Variants in TBC1D12 observed in about 807,000 individuals in gnomAD.
The protein encoded by TBC1D12 is TBC1 domain family member 12.
Under a neutral mutation model 86.7 loss-of-function variants are expected in TBC1D12, and 56 were observed. The observed-to-expected ratio is 0.65, with a 90% CI of 0.52 to 0.81. The LOEUF (loss-of-function observed/expected upper bound fraction) is 0.81, where lower values mean the gene tolerates loss of function less well. Among genes scored for constraint, TBC1D12 ranks in the 30% least tolerant of loss-of-function variants. The pLI is 0.00. For synonymous variants in TBC1D12, 421 were observed against 411.7 expected (o/e 1.02, Z -0.27); for missense variants, 1,023 against 1,038.8 (o/e 0.98, Z 0.21).
At chr10:94,489,370 G>T (rs2056215332) in intron 3 of TBC1D12, among the ~76,000 whole-genome samples, 1 of 152,306 alleles carries the variant, frequency 6.6e-6, no homozygotes, top group South Asian at 2.1e-4. Context: ...TAGCCAAGAA[G>T]CCACTGCCAG....
At chr10:94,473,413 G>A (rs2055939703) in intron 2 of TBC1D12, among the ~76,000 whole-genome samples, 1 of 151,876 alleles carries the variant, frequency 6.6e-6, no homozygotes, top group Non-Finnish European at 1.5e-5. Context: ...TTTTTAAGAG[G>A]TATGGAACTA....
At chr10:94,494,821 G>C (rs1048907413) in intron 4 of TBC1D12, among the ~76,000 whole-genome samples, 8 of 152,050 alleles carry the variant, frequency 5.3e-5, no homozygotes, top group African/African-American at 1.9e-4. Context: ...TGGGATTTCA[G>C]GTGTGAGCCA....
intron 3 of TBC1D12, among the ~76,000 whole-genome samples, chr10:94,486,681 A>AT (rs964075134): frequency 4.6e-5 from 7 of 151,794 alleles, no homozygotes; most frequent in African/African-American, 1.5e-4. Flanking sequence ...ATATTATCTC[A>AT]TTTTTTTGAA....
intron 3 of TBC1D12, among the ~76,000 whole-genome samples, chr10:94,490,014 G>A (rs570796048): frequency 2.4e-4 from 37 of 152,260 alleles, no homozygotes; most frequent in Middle Eastern, 3.4e-3. Flanking sequence ...TTGGGAGGCC[G>A]GGGCAGGCAG....
intron 3 of TBC1D12, among the ~76,000 whole-genome samples, chr10:94,481,239 C>T (rs1321796023): frequency 6.6e-6 from 1 of 152,152 alleles, no homozygotes; most frequent in Non-Finnish European, 1.5e-5. Flanking sequence ...TCACTAGTTA[C>T]ATTGGCCCCT....
chr10:94,531,694 TTTATGTTATG>T (rs201764398), intron 12 of TBC1D12, among the ~76,000 whole-genome samples: 1 of 119,440 alleles, frequency 8.4e-6, no homozygotes. Flanking sequence ...TTTATGTTAT[TTTATGTTATG>T]TTATTTTATG....
rs190241438 is a variant in TBC1D12, at chr10:94,450,961, A to T, written c.1095+8942A>T. Among the ~76,000 whole-genome samples, 671 of 152,212 alleles carry T rather than the reference A, an allele frequency of 4.4e-3. 5 individuals are homozygous for T. Among genetic ancestry groups the T allele is most frequent in the South Asian group, 0.019 (92 of 4,826 alleles). ...CTCACTTACATGTAGGACCCAAAAA[A>T]GAAAGTTGATCTCATAGGAGTAAAA... On this transcript the variant is annotated intron_variant, in intron 2 of 12. Coordinates refer to ENST00000225235, the MANE Select transcript of TBC1D12 (RefSeq NM_015188.2).
intron 6 of TBC1D12, among the ~76,000 whole-genome samples, chr10:94,503,867 G>T (rs769286844): frequency 6.6e-5 from 10 of 152,224 alleles, no homozygotes; most frequent in South Asian, 2.1e-4. Context: ...TCCAGTGATA[G>T]GCCCACCTCG....
At chr10:94,520,137 T>C (rs1842104077) in intron 9 of TBC1D12, among the ~76,000 whole-genome samples, 1 of 152,216 alleles carries the variant, frequency 6.6e-6, no homozygotes, top group Non-Finnish European at 1.5e-5. Context: ...AAGGGAATGC[T>C]GTTAAGAGAG....
intron 2 of TBC1D12, among the ~76,000 whole-genome samples, chr10:94,450,264 T>A (rs1022868292): frequency 6.6e-6 from 1 of 152,092 alleles, no homozygotes; most frequent in Non-Finnish European, 1.5e-5. Context: ...GTAACTATAA[T>A]ATTGTGTTTT....
intron 3 of TBC1D12, among the ~76,000 whole-genome samples, chr10:94,486,133 C>CT (rs2056157697): frequency 8.6e-6 from 1 of 116,046 alleles, no homozygotes; most frequent in Non-Finnish European, 1.8e-5. Flanking sequence ...TTTTCTTCTT[C>CT]TTCTTCTTTT....
rs1203764074 is a variant in TBC1D12 at position 94,403,514 on chromosome 10, G to A, written c.901G>A (p.Ala301Thr). The stretch of plus-strand genomic sequence containing the variant: ...GGGGCCGCCGGTGCCCTTGCCCGCC[G>A]CGGAGCAGGGTCCTGCGGGGGCTTC... ...PAGPPVPLPA[A>T]EQGPAGASAR... The change falls in exon 1 of 13, where the codon GCG (alanine) becomes ACG (threonine). Residue 301 changes from alanine to threonine, a missense_variant. Ala to Thr is a moderately conservative substitution (Grantham distance 58). Transcript: ENST00000225235. 1 of 1,564,538 alleles carries A rather than the reference G, an allele frequency of 6.4e-7. No homozygotes were observed. Among genetic ancestry groups the A allele is most frequent in the East Asian group, 2.4e-5 (1 of 41,032 alleles).
intron 1 of TBC1D12, among the ~76,000 whole-genome samples, chr10:94,423,376 T>C (rs1471843591): frequency 7.4e-6 from 1 of 135,412 alleles, no homozygotes; most frequent in African/African-American, 2.7e-5. Context: ...AGATGGAGTC[T>C]CACTCTTGTT....
At chr10:94,413,448 C>G (rs901377289) in intron 1 of TBC1D12, among the ~76,000 whole-genome samples, 4 of 152,124 alleles carry the variant, frequency 2.6e-5, no homozygotes, top group Non-Finnish European at 5.9e-5. Context: ...CCTTCTGCTG[C>G]TATTTGTAAT....
intron 1 of TBC1D12, among the ~76,000 whole-genome samples, chr10:94,427,877 C>T (rs1346707863): frequency 6.8e-6 from 1 of 146,362 alleles, no homozygotes; most frequent in Non-Finnish European, 1.5e-5. Context: ...AGAAAGAAGA[C>T]CTCTATCAGT....
At chr10:94,504,652 A>G (rs2056438814) in intron 6 of TBC1D12, among the ~76,000 whole-genome samples, 1 of 152,174 alleles carries the variant, frequency 6.6e-6, no homozygotes, top group African/African-American at 2.4e-5. Context: ...TTCCACCATA[A>G]TATATTAGGT....
At position 94,492,413 on chromosome 10, in the gene TBC1D12, A is replaced by G. The variant is rs868461741; in HGVS notation, c.1212-952A>G. 4.6e-5 allele frequency among the ~76,000 whole-genome samples: 7 copies of G among 152,324 alleles called. No individual in the cohort carries two copies. In the South Asian group the frequency reaches 1.0e-3, roughly 23 times the overall value. ...AAGGTATATCCACACTTACTATATA[A>G]CCCAAGACTTTTGTTTAACTAAGGG... is the stretch of plus-strand genomic sequence containing the variant. On this transcript the variant is annotated intron_variant, in intron 3 of 12. Coordinates refer to ENST00000225235, the MANE Select transcript of TBC1D12 (RefSeq NM_015188.2).
chr10:94,533,172 G>C lies in TBC1D12; in HGVS notation c.*76G>C. The C allele has an allele frequency of 2.3e-6, 2 of 870,882 alleles. No homozygotes were observed. The highest frequency in any genetic ancestry group is 3.5e-6 in the Non-Finnish European group (2 of 572,482). 53.9% of individuals were successfully genotyped at this position (870,882 alleles called of 1,614,324 possible). The stretch of plus-strand genomic sequence containing the variant: ...AGGTTTTTTGTTTCCTATGTAAAAG[G>C]CGTGGAAGAAAATGTTGGAGATACC... On this transcript the variant is annotated 3_prime_UTR_variant, in exon 13 of 13. Transcript: ENST00000225235.
intron 1 of TBC1D12, among the ~76,000 whole-genome samples, chr10:94,423,567 C>T (rs1388553481): frequency 6.6e-6 from 1 of 151,902 alleles, no homozygotes. Flanking sequence ...AGGCTGGTCT[C>T]GAACTCCTGA....
Sources: allele counts gnomAD v4.1 joint callset (sites outside exome capture counted in the v4.1 genomes callset), GRCh38; gene constraint gnomAD v4.1.1; transcripts MANE v1.5; gene names NCBI Gene and HGNC (gene_info 2026-07-23, HGNC 2026-07-21).